Variants in PRKAR2A observed in about 807,000 individuals in gnomAD.
PRKAR2A encodes the protein cAMP-dependent protein kinase type II-alpha regulatory subunit.
Under a neutral mutation model 51.9 loss-of-function variants are expected in PRKAR2A, and 29 were observed. That is an observed-to-expected ratio of 0.56 (90% confidence interval 0.42 to 0.76). PRKAR2A has a LOEUF of 0.76. PRKAR2A is among the 30% of genes least tolerant of loss of function. The pLI is 0.00. For synonymous variants in PRKAR2A, 178 were observed against 186.2 expected (o/e 0.96, Z 0.36); for missense variants, 445 against 512.1 (o/e 0.87, Z 1.26).
In PRKAR2A at chr3:48,829,688, G is replaced by GTA. The variant is rs1470334476; in HGVS notation, c.262+17645_262+17646dup. ...TATACACACACATAAATGTGTGTGT[G>GTA]TATACGTGTGTATATATTCTTATAC... On this transcript the variant is annotated intron_variant, in intron 1 of 10. Coordinates refer to ENST00000265563, the MANE Select transcript of PRKAR2A (RefSeq NM_004157.4). 7.3e-5 allele frequency among the ~76,000 whole-genome samples: 10 copies of GTA among 136,558 alleles called. 1 individual carries two copies. The highest frequency in any genetic ancestry group is 2.4e-4 in the African/African-American group (9 of 37,104). The allele number at this position is 136,558 out of a possible 152,430, so 89.6% of individuals were successfully genotyped here. A position where few individuals can be genotyped will look rare whatever the true frequency, so the allele number is the denominator to read the frequency against.
chr3:48,756,581 T>G (rs979630280), intron 8 of PRKAR2A, 137 bp from the exon 9 acceptor site: 1 of 641,408 alleles, frequency 1.6e-6, no homozygotes, highest in African/African-American at 1.8e-5. Context: ...GTAAACAAAT[T>G]CAGAGCAGGC....
chr3:48,763,872 T>C (rs1163965549), intron 8 of PRKAR2A, among the ~76,000 whole-genome samples: 1 of 152,242 alleles, frequency 6.6e-6, no homozygotes, highest in African/African-American at 2.4e-5. Flanking sequence ...AAAAGAATTA[T>C]TAATAGTAAC....
chr3:48,757,104 A>G (rs1374726952), intron 8 of PRKAR2A, among the ~76,000 whole-genome samples: 1 of 152,214 alleles, frequency 6.6e-6, no homozygotes, highest in Non-Finnish European at 1.5e-5. Flanking sequence ...CAAAGGATGA[A>G]CAGCCATGAA....
intron 8 of PRKAR2A, among the ~76,000 whole-genome samples, chr3:48,763,064 T>A (rs2081887275): frequency 6.6e-6 from 1 of 152,204 alleles, no homozygotes; most frequent in African/African-American, 2.4e-5. Flanking sequence ...ACAAAACTCT[T>A]CCGATTTGTA....
chr3:48,766,577 T>A (rs980521764), intron 6 of PRKAR2A, among the ~76,000 whole-genome samples: 3 of 151,230 alleles, frequency 2.0e-5, no homozygotes, highest in African/African-American at 4.9e-5. Flanking sequence ...CAAAAAAAAA[T>A]AAAATAAAAA....
chr3:48,828,405 G>A (rs147566387), intron 1 of PRKAR2A, among the ~76,000 whole-genome samples: 54 of 151,938 alleles, frequency 3.6e-4, no homozygotes, highest in African/African-American at 8.4e-4. Context: ...ATACATAAAC[G>A]CACTGTACAG....
At chr3:48,777,323 T>A (rs1377396496) in intron 5 of PRKAR2A, among the ~76,000 whole-genome samples, 1 of 152,194 alleles carries the variant, frequency 6.6e-6, no homozygotes, top group Non-Finnish European at 1.5e-5. Flanking sequence ...GTGAGGTGTC[T>A]GATCTCAACA....
intron 6 of PRKAR2A, among the ~76,000 whole-genome samples, chr3:48,766,448 C>A (rs1160161834): frequency 6.6e-6 from 1 of 151,766 alleles, no homozygotes; most frequent in African/African-American, 2.4e-5. Context: ...TTTGTCTAGT[C>A]CCAGCTAGTT....
At chr3:48,764,279 G>A (rs142548679) in intron 8 of PRKAR2A, among the ~76,000 whole-genome samples, 398 of 152,298 alleles carry the variant, frequency 2.6e-3, no homozygotes, top group African/African-American at 9.1e-3. Flanking sequence ...CCACTGTTTA[G>A]TAATCTTTAC....
chr3:48,809,622 AAC>A (rs1462208460), intron 1 of PRKAR2A, among the ~76,000 whole-genome samples: 7 of 149,708 alleles, frequency 4.7e-5, no homozygotes, highest in African/African-American at 9.7e-5. Context: ...AAAAAAAAAA[AAC>A]TATATAGTTT....
chr3:48,830,121 C>T (rs1458274471), intron 1 of PRKAR2A, among the ~76,000 whole-genome samples: 2 of 150,746 alleles, frequency 1.3e-5, no homozygotes, highest in East Asian at 2.0e-4. Flanking sequence ...GGGAATCACT[C>T]GAACCTGGGA....
At chr3:48,846,714 T>C (rs9311434) in intron 1 of PRKAR2A, among the ~76,000 whole-genome samples, 95,509 of 152,036 alleles carry the variant, frequency 0.63, 31,172 homozygotes, top group East Asian at 0.96. Context: ...TTTTTAAAAA[T>C]AGGAATATTC....
Position 48,808,148 on chromosome 3 carries a change from C to A in PRKAR2A, c.263-464G>T, listed in dbSNP as rs573884963. 3.0e-4 allele frequency among the ~76,000 whole-genome samples: 45 copies of A among 148,942 alleles called. 1 individual carries two copies. In the South Asian group the frequency reaches 9.8e-3, roughly 32 times the overall value. ...CTGCAAGCTCCGCCTCCCACGTTCA[C>A]GCCATTCTCCTGCCTCAGCCTCCGG... On this transcript the variant is annotated intron_variant, in intron 1 of 10. Transcript: ENST00000265563.
At chr3:48,744,727 T>C (rs567578929), downstream of PRKAR2A, 6 of 152,150 alleles carry the variant, frequency 3.9e-5, no homozygotes, top group African/African-American at 7.2e-5. Flanking sequence ...TGTCCAAATG[T>C]GGGCAAGATC....
intron 5 of PRKAR2A, among the ~76,000 whole-genome samples, chr3:48,778,407 A>C (rs1224280817): frequency 6.6e-6 from 1 of 151,064 alleles, no homozygotes; most frequent in African/African-American, 2.4e-5. Context: ...CTGTAGACTC[A>C]ACCTCTTGGG....
chr3:48,787,921 CA>C (rs1559620701), intron 4 of PRKAR2A, among the ~76,000 whole-genome samples: 1 of 152,220 alleles, frequency 6.6e-6, no homozygotes, highest in East Asian at 1.9e-4. Context: ...AGCTGGGTAA[CA>C]GAGGAAATCT....
rs561195979 is a variant in PRKAR2A at position 48,777,437 on chromosome 3, G to A, written c.543-4329C>T. ...TTATTTTATTTTGAGTTGGAGTCTCGCCCTGTTGCCCAGGCTGGAGTGCAG... is the reference window on the plus strand; with the variant it reads ...TTATTTTATTTTGAGTTGGAGTCTCACCCTGTTGCCCAGGCTGGAGTGCAG... On this transcript the variant is annotated intron_variant, in intron 5 of 10. Transcript: ENST00000265563. Among the ~76,000 whole-genome samples the A allele has an allele frequency of 6.6e-5, 10 of 151,782 alleles. No individual in the cohort carries two copies. The South Asian group carries it at 8.3e-4, about 13-fold the overall frequency.
intron 1 of PRKAR2A, among the ~76,000 whole-genome samples, chr3:48,826,614 G>A (rs1415484389): frequency 6.6e-6 from 1 of 152,040 alleles, no homozygotes; most frequent in Non-Finnish European, 1.5e-5. Flanking sequence ...CCAGAGATTA[G>A]ACTTCCTCAA....
intron 5 of PRKAR2A, among the ~76,000 whole-genome samples, chr3:48,776,706 T>A (rs2082110857): frequency 6.6e-6 from 1 of 151,990 alleles, no homozygotes; most frequent in Non-Finnish European, 1.5e-5. Flanking sequence ...CTGGGTGTGG[T>A]GGCATGTGCC....
Sources: gnomAD v4.1 joint callset for allele counts (sites outside exome capture counted in the v4.1 genomes callset) on GRCh38, gnomAD v4.1.1 for gene constraint, MANE v1.5 for transcripts, NCBI Gene and HGNC (gene_info 2026-07-23, HGNC 2026-07-21) for gene names.